The following EPHA3 variants were observed in gnomAD, a reference collection of about 807,000 sequenced individuals.
EPHA3 encodes the protein EPH receptor A3.
Under a neutral mutation model 107.1 loss-of-function variants are expected in EPHA3, and 42 were observed. The ratio of observed to expected loss-of-function variants is 0.39; its 90% CI spans 0.31 to 0.51. The LOEUF (loss-of-function observed/expected upper bound fraction) is 0.51. Ranked by LOEUF, EPHA3 falls within the 20% of genes least tolerant of loss-of-function variation. EPHA3 has a pLI of 0.78. For synonymous variants in EPHA3, 461 were observed against 424.8 expected (o/e 1.09, Z -1.05); for missense variants, 1,183 against 1,211.2 (o/e 0.98, Z 0.35).
chr3:89,311,146 A>G (rs1706755691), intron 3 of EPHA3, among the ~76,000 whole-genome samples: 1 of 152,058 alleles, frequency 6.6e-6, no homozygotes, highest in Non-Finnish European at 1.5e-5. Context: ...AATTATTTTA[A>G]GGACAAAAAG....
At chr3:89,311,572 G>C (rs1476806521) in intron 3 of EPHA3, among the ~76,000 whole-genome samples, 1 of 151,982 alleles carries the variant, frequency 6.6e-6, no homozygotes, top group Non-Finnish European at 1.5e-5. Flanking sequence ...AGAATTTTGA[G>C]ACATGCTCAA....
chr3:89,381,725 G>T (rs1457177767), intron 5 of EPHA3, among the ~76,000 whole-genome samples: 3 of 152,098 alleles, frequency 2.0e-5, no homozygotes, highest in Non-Finnish European at 4.4e-5. Flanking sequence ...ATTAGGTCAT[G>T]AGATTAGAGC....
chr3:89,144,283 C>T (rs1704490097), intron 2 of EPHA3, among the ~76,000 whole-genome samples: 1 of 151,676 alleles, frequency 6.6e-6, no homozygotes, highest in Non-Finnish European at 1.5e-5. Context: ...TTTTTGCTGA[C>T]TGTCGTTTTC....
At chr3:89,301,062 A>G (rs1706476138) in intron 3 of EPHA3, among the ~76,000 whole-genome samples, 1 of 152,116 alleles carries the variant, frequency 6.6e-6, no homozygotes, top group Middle Eastern at 3.2e-3. Context: ...TTCACTTTTC[A>G]TAGTGCTTGT....
chr3:89,159,506 T>C (rs1293828358), intron 2 of EPHA3, among the ~76,000 whole-genome samples: 1 of 152,106 alleles, frequency 6.6e-6, no homozygotes, highest in African/African-American at 2.4e-5. Context: ...AGGCTGTCAA[T>C]TGAAGTCAGA....
At chr3:89,365,045 A>T (rs1315448895) in intron 5 of EPHA3, among the ~76,000 whole-genome samples, 1 of 150,912 alleles carries the variant, frequency 6.6e-6, no homozygotes, top group African/African-American at 2.4e-5. Flanking sequence ...TCTACCCTCG[A>T]TGAATTTATA....
At chr3:89,313,083 T>C (rs1341284554) in intron 3 of EPHA3, among the ~76,000 whole-genome samples, 1 of 152,032 alleles carries the variant, frequency 6.6e-6, no homozygotes, top group Non-Finnish European at 1.5e-5. Context: ...TTATTTGTAT[T>C]CCTTTGGGTA....
rs1379111209 is a variant in EPHA3, at chr3:89,481,224, T to C, written c.*1722T>C. ...AAATCAAAACTCACAAGTGCTCATC[T>C]GTTGTAGATTTAGTGTAATAAGACT... On this transcript the variant is annotated 3_prime_UTR_variant, in exon 17 of 17. Coordinates refer to ENST00000336596, the MANE Select transcript of EPHA3 (RefSeq NM_005233.6). 4.3e-6 allele frequency: 1 copy of C among 232,216 alleles called. No individual in the cohort carries two copies. The allele number at this position is 232,216 out of a possible 1,614,324, so 14.4% of individuals were successfully genotyped here. A position where few individuals can be genotyped will look rare whatever the true frequency, so the allele number is the denominator to read the frequency against.
At chr3:89,241,689 G>A (rs1221810925) in intron 3 of EPHA3, among the ~76,000 whole-genome samples, 1 of 151,986 alleles carries the variant, frequency 6.6e-6, no homozygotes, top group Admixed American at 6.6e-5. Context: ...TTATCAGTCA[G>A]TTTCTTTTAT....
intron 3 of EPHA3, among the ~76,000 whole-genome samples, chr3:89,225,848 A>G (rs1179007650): frequency 6.6e-6 from 1 of 152,146 alleles, no homozygotes; most frequent in East Asian, 1.9e-4. Flanking sequence ...AGAATAGGAA[A>G]AGAACCCAAG....
intron 13 of EPHA3, among the ~76,000 whole-genome samples, chr3:89,440,664 C>T (rs547658481): frequency 5.8e-4 from 88 of 152,208 alleles, no homozygotes; most frequent in South Asian, 8.3e-4. Flanking sequence ...ACAGGGTTAC[C>T]GTGTGATTCC....
intron 3 of EPHA3, among the ~76,000 whole-genome samples, chr3:89,252,375 C>T (rs1016579547): frequency 5.3e-5 from 8 of 152,002 alleles, no homozygotes; most frequent in African/African-American, 1.4e-4. Context: ...AAGTGGAGTA[C>T]GGACGTAAAA....
intron 3 of EPHA3, among the ~76,000 whole-genome samples, chr3:89,243,154 T>C (rs867109898): frequency 1.3e-5 from 2 of 152,094 alleles, no homozygotes; most frequent in South Asian, 2.1e-4. Context: ...CATTCTATCA[T>C]TGATGGACAT....
intron 2 of EPHA3, among the ~76,000 whole-genome samples, chr3:89,142,253 C>A (rs903668328): frequency 1.3e-4 from 19 of 151,268 alleles, no homozygotes; most frequent in African/African-American, 4.6e-4. Context: ...TTGAAAAGCA[C>A]TGAAATGATA....
chr3:89,118,435 G>A (rs1205410456), intron 1 of EPHA3, among the ~76,000 whole-genome samples: 2 of 151,686 alleles, frequency 1.3e-5, no homozygotes, highest in Non-Finnish European at 3.0e-5. Context: ...TAAAATGAGA[G>A]GAAGAAAACT....
chr3:89,117,647 A>G (rs906764767), intron 1 of EPHA3, among the ~76,000 whole-genome samples: 48 of 152,208 alleles, frequency 3.2e-4, no homozygotes, highest in Middle Eastern at 3.4e-3. Flanking sequence ...AAACTGAGCT[A>G]TTCCCAAACT....
chr3:89,118,079 C>T (rs1303451741), intron 1 of EPHA3, among the ~76,000 whole-genome samples: 3 of 105,274 alleles, frequency 2.8e-5, no homozygotes, highest in Non-Finnish European at 4.7e-5. Flanking sequence ...GTATTTTTCT[C>T]TTGGTTTACT....
rs530238031 is a variant in EPHA3 at position 89,333,259 on chromosome 3, C to T, written c.815-7657C>T. On this transcript the variant is annotated intron_variant, in intron 3 of 16. Coordinates refer to ENST00000336596, the MANE Select transcript of EPHA3 (RefSeq NM_005233.6). ...GTTTGCTATTTTACCCCCATATGGG[C>T]CCACAGTGTTTAGTTCCTGTTTTAT... Among the ~76,000 whole-genome samples, 55 of 152,236 alleles carry T rather than the reference C, an allele frequency of 3.6e-4. 1 individual carries two copies. The highest frequency in any genetic ancestry group is 6.8e-3 in the Middle Eastern group (2 of 294).
intron 3 of EPHA3, among the ~76,000 whole-genome samples, chr3:89,241,899 C>T (rs1233845320): frequency 2.0e-5 from 3 of 152,054 alleles, no homozygotes; most frequent in African/African-American, 7.2e-5. Flanking sequence ...CCCCTCTCAG[C>T]CCCGAGATTA....
Sources: allele counts gnomAD v4.1 joint callset (sites outside exome capture counted in the v4.1 genomes callset), GRCh38; gene constraint gnomAD v4.1.1; transcripts MANE v1.5; gene names NCBI Gene and HGNC (gene_info 2026-07-23, HGNC 2026-07-21).